Variants in FRMD6 observed in about 807,000 individuals in gnomAD.
The protein encoded by FRMD6 is FERM domain containing 6.
In FRMD6, 37 loss-of-function variants were observed where a neutral mutation model predicts 73.2. The observed-to-expected ratio is 0.51, with a 90% CI of 0.39 to 0.66. The LOEUF is 0.66. FRMD6 is among the 30% of genes least tolerant of loss of function. The pLI, the probability that FRMD6 is intolerant of heterozygous loss-of-function variation, is 0.00. For synonymous variants in FRMD6, 273 were observed against 282.2 expected, an observed-to-expected ratio of 0.97 and a Z score of 0.33; for missense variants, 714 against 780.5, an observed-to-expected ratio of 0.91 and a Z score of 1.02.
chr14:51,722,888 C>G (rs1420807331), intron 12 of FRMD6, among the ~76,000 whole-genome samples: 1 of 152,232 alleles, frequency 6.6e-6, no homozygotes, highest in African/African-American at 2.4e-5. Context: ...TCCACAGCTC[C>G]TGATGTTCAT....
At chr14:51,490,764 C>T (rs765414488) in intron 1 of FRMD6, among the ~76,000 whole-genome samples, 1 of 152,132 alleles carries the variant, frequency 6.6e-6, no homozygotes, top group Non-Finnish European at 1.5e-5. Flanking sequence ...GTTACCGAAA[C>T]TGCTTGTGTA....
the FRMD6 span, among the ~76,000 whole-genome samples, chr14:51,418,155 C>T: frequency 6.6e-6 from 1 of 152,342 alleles, no homozygotes; most frequent in East Asian, 1.9e-4. Context: ...CTACTCCTGT[C>T]AGCTTGTCAA....
intron 1 of FRMD6, among the ~76,000 whole-genome samples, chr14:51,536,928 AT>A (rs1404145846): frequency 2.6e-5 from 4 of 152,146 alleles, no homozygotes; most frequent in African/African-American, 9.7e-5. Context: ...GTACAGAGAT[AT>A]CCTGACTACC....
At chr14:51,434,891 G>T in the FRMD6 span, among the ~76,000 whole-genome samples, 1 of 152,010 alleles carries the variant, frequency 6.6e-6, no homozygotes, top group Admixed American at 6.5e-5. Flanking sequence ...CGTTATTCTT[G>T]CAAAAAAGTA....
intron 1 of FRMD6, chr14:51,546,751 A>G (rs1886495951): frequency 6.6e-6 from 1 of 152,154 alleles, no homozygotes; most frequent in African/African-American, 2.4e-5. Context: ...TTTCTCTTGG[A>G]ACACAGTTCT....
At chr14:51,700,861 T>G (rs1274736093) in intron 3 of FRMD6, among the ~76,000 whole-genome samples, 195 bp from the exon 4 acceptor site, 1 of 151,978 alleles carries the variant, frequency 6.6e-6, no homozygotes, top group Admixed American at 6.6e-5. Context: ...AAAAGCAAAA[T>G]AATTCACAAG....
chr14:51,569,890 A>C (rs1341339877), intron 1 of FRMD6, among the ~76,000 whole-genome samples: 1 of 150,504 alleles, frequency 6.6e-6, no homozygotes, highest in Non-Finnish European at 1.5e-5. Flanking sequence ...ATCTCGGCTC[A>C]CTGCAAGCTC....
chr14:51,727,695 T>C, intron 13 of FRMD6, 50 bp from the exon 14 acceptor site: 1 of 1,519,574 alleles, frequency 6.6e-7, no homozygotes, highest in Non-Finnish European at 8.9e-7. Flanking sequence ...ACAAGGCAAA[T>C]ATTCTAACCT....
At chr14:51,588,934 A>G (rs6572780) in intron 2 of FRMD6, among the ~76,000 whole-genome samples, 148,008 of 152,298 alleles carry the variant, frequency 0.97, 71,944 homozygotes, top group African/African-American at 0.99. Flanking sequence ...CTGAGTGGTG[A>G]CTGCACCATG....
intron 1 of FRMD6, among the ~76,000 whole-genome samples, chr14:51,547,071 G>A (rs1302172883): frequency 6.6e-6 from 1 of 152,106 alleles, no homozygotes; most frequent in East Asian, 1.9e-4. Flanking sequence ...ACCAGGAAAA[G>A]TGAGAGGTCA....
chr14:51,465,591 A>G, the FRMD6 span, among the ~76,000 whole-genome samples: 1 of 152,262 alleles, frequency 6.6e-6, no homozygotes, highest in Non-Finnish European at 1.5e-5. Flanking sequence ...TTTTCATTAT[A>G]TAATTCCATT....
chr14:51,450,525 C>G, the FRMD6 span, among the ~76,000 whole-genome samples: 1 of 152,118 alleles, frequency 6.6e-6, no homozygotes, highest in African/African-American at 2.4e-5. Flanking sequence ...CCACCAGGGT[C>G]GAGGAGAGAT....
chr14:51,555,868 T>C (rs1432663033), intron 1 of FRMD6, among the ~76,000 whole-genome samples: 1 of 152,186 alleles, frequency 6.6e-6, no homozygotes, highest in Non-Finnish European at 1.5e-5. Context: ...AATACTACTG[T>C]TGAAGTTGCT....
At chr14:51,690,532 C>T (rs575756669) in intron 2 of FRMD6, among the ~76,000 whole-genome samples, 7 of 152,246 alleles carry the variant, frequency 4.6e-5, no homozygotes, top group South Asian at 2.1e-4. Context: ...ATTACTGGCA[C>T]GCACCACCAC....
At chr14:51,497,508 T>C (rs189406287) in intron 1 of FRMD6, among the ~76,000 whole-genome samples, 97 of 152,288 alleles carry the variant, frequency 6.4e-4, no homozygotes, top group Admixed American at 1.5e-3. Context: ...ACACTAATGT[T>C]ACAATAGAAA....
At chr14:51,478,379 G>A in the FRMD6 span, among the ~76,000 whole-genome samples, 4 of 152,224 alleles carry the variant, frequency 2.6e-5, no homozygotes, top group Admixed American at 6.5e-5. Context: ...ATAGTAGTCA[G>A]TGGAAACGTA....
the FRMD6 span, among the ~76,000 whole-genome samples, chr14:51,433,691 G>T: frequency 5.3e-5 from 8 of 152,352 alleles, no homozygotes; most frequent in African/African-American, 1.9e-4. Flanking sequence ...AGGGTGGAAA[G>T]AATGGGAAAT....
intron 3 of FRMD6, among the ~76,000 whole-genome samples, chr14:51,700,310 GTTTTCTACCAGCTTC>G (rs1390912127): frequency 6.6e-6 from 1 of 152,034 alleles, no homozygotes; most frequent in African/African-American, 2.4e-5. Context: ...GAAAACGTTT[GTTTTCTACCAGCTTC>G]TTTTCACGTG....
chr14:51,512,968 A>T (rs1884402195), intron 1 of FRMD6, among the ~76,000 whole-genome samples: 1 of 152,184 alleles, frequency 6.6e-6, no homozygotes. Context: ...CCAGAAGTGG[A>T]AAGTGGTGTG....
Sources: gnomAD v4.1 joint callset for allele counts (sites outside exome capture counted in the v4.1 genomes callset) on GRCh38, gnomAD v4.1.1 for gene constraint, MANE v1.5 for transcripts, NCBI Gene and HGNC (gene_info 2026-07-23, HGNC 2026-07-21) for gene names.